Variants in CDH18 observed in about 807,000 individuals in gnomAD.
The protein encoded by CDH18 is cadherin 18.
A neutral mutation model predicts 67.9 loss-of-function variants in CDH18; 31 were observed. That is an observed-to-expected ratio of 0.46 (90% CI 0.34 to 0.62). CDH18 has a LOEUF of 0.62. Ranked by LOEUF, CDH18 falls within the 20% of genes least tolerant of loss-of-function variation. The probability of loss-of-function intolerance (pLI) is 0.01; values close to 1 mark genes in which losing one functional copy is unlikely to be tolerated. For synonymous variants in CDH18, 362 were observed against 347.2 expected (o/e 1.04, Z -0.48); for missense variants, 890 against 975.5 (o/e 0.91, Z 1.17).
At chr5:19,576,614 G>T (rs773145310) in intron 7 of CDH18, among the ~76,000 whole-genome samples, 20 of 152,138 alleles carry the variant, frequency 1.3e-4, no homozygotes, top group Non-Finnish European at 2.8e-4. Context: ...GCAAGGATGT[G>T]GAGAAAAGGA....
chr5:20,511,066 G>A (rs1449068415), intron 1 of CDH18, among the ~76,000 whole-genome samples: 1 of 152,030 alleles, frequency 6.6e-6, no homozygotes, highest in Admixed American at 6.6e-5. Context: ...GTTCATAGGA[G>A]AAATGGTGCA....
chr5:19,741,332 A>T (rs533869255), intron 4 of CDH18, among the ~76,000 whole-genome samples: 2,491 of 15,114 alleles, frequency 0.16, 53 homozygotes, highest in Middle Eastern at 0.5. Flanking sequence ...TACATGTCTC[A>T]CACACACACA....
At chr5:20,477,432 C>A (rs1249213678) in intron 1 of CDH18, among the ~76,000 whole-genome samples, 1 of 152,180 alleles carries the variant, frequency 6.6e-6, no homozygotes, top group African/African-American at 2.4e-5. Context: ...CATTCCCTGG[C>A]AGTGGCCACA....
At chr5:19,971,862 G>T (rs1453264738) in intron 2 of CDH18, among the ~76,000 whole-genome samples, 1 of 120,406 alleles carries the variant, frequency 8.3e-6, no homozygotes, top group East Asian at 1.9e-4. Context: ...AAAAAAAAGA[G>T]AGAGAGAGAG....
chr5:20,082,705 T>C (rs145326700), intron 2 of CDH18, among the ~76,000 whole-genome samples: 184 of 152,310 alleles, frequency 1.2e-3, no homozygotes, highest in Middle Eastern at 6.8e-3. Flanking sequence ...ATGAGGACAT[T>C]ATTGTTGGAC....
At chr5:19,521,901 TTTTA>T (rs1298900585) in intron 9 of CDH18, among the ~76,000 whole-genome samples, 4 of 151,990 alleles carry the variant, frequency 2.6e-5, no homozygotes, top group East Asian at 3.9e-4. Flanking sequence ...ATTTCAAAAT[TTTTA>T]TTTATTTATT....
At chr5:20,379,825 G>A in intron 1 of CDH18, among the ~76,000 whole-genome samples, 1 of 151,762 alleles carries the variant, frequency 6.6e-6, no homozygotes, top group East Asian at 1.9e-4. Flanking sequence ...TCTGACTCTT[G>A]AAGAATCAGT....
chr5:20,461,228 C>G (rs7718375), intron 1 of CDH18, among the ~76,000 whole-genome samples: 2 of 151,954 alleles, frequency 1.3e-5, no homozygotes, highest in African/African-American at 2.4e-5. Flanking sequence ...CGTTGCTTCA[C>G]CCTTCTGGTT....
At chr5:20,219,242 A>C (rs190060134) in intron 2 of CDH18, among the ~76,000 whole-genome samples, 52 of 152,114 alleles carry the variant, frequency 3.4e-4, no homozygotes, top group African/African-American at 1.2e-3. Context: ...GAAATGGATA[A>C]ATTATTAGAC....
chr5:20,525,984 C>A (rs1333720415), intron 1 of CDH18, among the ~76,000 whole-genome samples: 1 of 151,226 alleles, frequency 6.6e-6, no homozygotes, highest in East Asian at 1.9e-4. Flanking sequence ...CAAAAGAAAA[C>A]AATATTGGCC....
chr5:20,387,542 A>G (rs1425290607), intron 1 of CDH18, among the ~76,000 whole-genome samples: 1 of 152,040 alleles, frequency 6.6e-6, no homozygotes, highest in Non-Finnish European at 1.5e-5. Context: ...ATCTTTTCCT[A>G]ATTGAATACC....
intron 2 of CDH18, among the ~76,000 whole-genome samples, chr5:20,075,594 C>T (rs1016984847): frequency 2.5e-4 from 38 of 151,952 alleles, no homozygotes; most frequent in African/African-American, 6.8e-4. Flanking sequence ...AAGCATTTTA[C>T]GTCAAAAAAG....
intron 1 of CDH18, among the ~76,000 whole-genome samples, chr5:20,363,022 G>T (rs1207874475): frequency 6.6e-6 from 1 of 152,158 alleles, no homozygotes; most frequent in South Asian, 2.1e-4. Context: ...AGGTATGACT[G>T]CCTTTGCCAC....
In CDH18 at chr5:19,473,574, G is replaced by C; in HGVS notation, c.2025C>G (p.Ala675=). The change falls in exon 13 of 13, where the codon GCC becomes GCG. Residue 675 remains alanine (A), a synonymous_variant. Coordinates refer to ENST00000382275, the MANE Select transcript of CDH18 (RefSeq NM_004934.5). ...CCTCAGCAGCAGAAGGATTCCTCAA[G>C]GCTGTGATGTCAAAGGCCTCTGTGT... The part of the protein sequence containing the change: ...EEDTEAFDIT[A]LRNPSAAEEL... The C allele has an allele frequency of 6.2e-7, 1 of 1,613,832 alleles. No homozygotes were observed. The highest frequency in any genetic ancestry group is 1.1e-5 in the South Asian group (1 of 91,072).
intron 3 of CDH18, among the ~76,000 whole-genome samples, chr5:19,748,770 A>G (rs761445916): frequency 5.9e-5 from 9 of 152,152 alleles, no homozygotes; most frequent in Non-Finnish European, 1.2e-4. Context: ...AGACAATGCA[A>G]TATGAGAAAA....
At chr5:19,535,271 T>C (rs1749236564) in intron 9 of CDH18, among the ~76,000 whole-genome samples, 2 of 152,228 alleles carry the variant, frequency 1.3e-5, no homozygotes, top group Non-Finnish European at 2.9e-5. Flanking sequence ...TTTTGATCAT[T>C]GGTTAAGGCA....
intron 3 of CDH18, among the ~76,000 whole-genome samples, chr5:19,756,464 A>G (rs1771613143): frequency 6.6e-6 from 1 of 152,102 alleles, no homozygotes; most frequent in Admixed American, 6.5e-5. Flanking sequence ...AGTGACCCAA[A>G]CCTTTACTCC....
intron 1 of CDH18, among the ~76,000 whole-genome samples, chr5:20,337,230 G>A (rs1482681498): frequency 6.6e-6 from 1 of 152,176 alleles, no homozygotes; most frequent in Non-Finnish European, 1.5e-5. Context: ...TGATTAACAT[G>A]TGGCTTGTTA....
chr5:19,725,568 G>A (rs964354728), intron 4 of CDH18, among the ~76,000 whole-genome samples: 2 of 152,164 alleles, frequency 1.3e-5, no homozygotes, highest in Non-Finnish European at 2.9e-5. Flanking sequence ...TTGGTGATTT[G>A]AGACCAGCCT....
Sources: allele counts gnomAD v4.1 joint callset (sites outside exome capture counted in the v4.1 genomes callset), GRCh38; gene constraint gnomAD v4.1.1; transcripts MANE v1.5; gene names NCBI Gene and HGNC (gene_info 2026-07-23, HGNC 2026-07-21).